STAT6: variants seen among roughly 807,000 people sequenced by gnomAD.
STAT6 encodes signal transducer and activator of transcription 6, also known as STAT, interleukin4-induced.
STAT6 carries 45 observed loss-of-function variants against 106.3 expected under a neutral mutation model. The ratio of observed to expected loss-of-function variants is 0.42; its 90% confidence interval spans 0.33 to 0.54. STAT6 has a LOEUF of 0.54. STAT6 is among the 20% of genes least tolerant of loss of function. STAT6 has a pLI of 0.06. For synonymous variants in STAT6, 413 were observed against 413.6 expected (o/e 1.00, Z 0.02); for missense variants, 797 against 1,062.2 (o/e 0.75, Z 3.47).
At chr12:57,098,646 C>T (rs765469174) in intron 18 of STAT6, 49 bp from the exon 19 acceptor site, 2 of 1,591,074 alleles carry the variant, frequency 1.3e-6, no homozygotes, top group South Asian at 1.1e-5. Context: ...TCCTGGACAC[C>T]ACCACACCCT....
At chr12:57,108,769 G>A (rs886557194) in intron 1 of STAT6, among the ~76,000 whole-genome samples, 3 of 152,200 alleles carry the variant, frequency 2.0e-5, no homozygotes, top group Admixed American at 6.5e-5. Flanking sequence ...GTACGAAACC[G>A]AAGATGCCCT....
At chr12:57,106,056 G>A in intron 7 of STAT6, 135 bp downstream of exon 7, 1 of 1,450,952 alleles carries the variant, frequency 6.9e-7, no homozygotes, top group Non-Finnish European at 9.3e-7. Context: ...CAGCCCCGCT[G>A]GAACTGGCTT....
In STAT6 at chr12:57,096,382, A is replaced by G. The variant is rs1041546515; in HGVS notation, c.*190T>C. On this transcript the variant is annotated 3_prime_UTR_variant, in exon 22 of 22. Coordinates refer to ENST00000300134, the MANE Select transcript of STAT6 (RefSeq NM_003153.5). Reference sequence around the variant, plus strand: ...AAGGAGGTGGGCAGGGGAATGATAGAAAGGAAGGAGTGGATTGGCTCCACC... The same window carrying G: ...AAGGAGGTGGGCAGGGGAATGATAGGAAGGAAGGAGTGGATTGGCTCCACC... 11 of 612,036 alleles carry G rather than the reference A, an allele frequency of 1.8e-5. No homozygotes were observed. The highest frequency in any genetic ancestry group is 3.7e-5 in the African/African-American group (2 of 53,448). The allele number at this position is 612,036 out of a possible 1,614,324, so 37.9% of individuals were successfully genotyped here.
intron 10 of STAT6, 48 bp downstream of exon 10, chr12:57,104,678 C>T (rs780425319): frequency 6.2e-7 from 1 of 1,613,726 alleles, no homozygotes; most frequent in South Asian, 1.1e-5. Flanking sequence ...AGGAGAGTCC[C>T]ACAGTCTCCT....
chr12:57,105,445 G>C lies in STAT6; in HGVS notation c.812+23C>G, dbSNP rs755850751. The C allele has an allele frequency of 5.6e-6, 9 of 1,613,692 alleles. No homozygotes were observed. The East Asian group carries it at 1.6e-4, about 28-fold the overall frequency. ...TCTTCCCGAGGTCTGTTCTAGGCCA[G>C]ACTGGGAGCTCCCGGGGAATACCTG... On this transcript the variant is annotated intron_variant, in intron 8 of 21. Transcript: ENST00000300134.
chr12:57,105,430 G>A, intron 8 of STAT6, 38 bp downstream of exon 8: 1 of 1,611,506 alleles, frequency 6.2e-7, no homozygotes, highest in Non-Finnish European at 8.5e-7. Context: ...TCTTCCCGAG[G>A]TCTGTTCTAG....
At position 57,096,941 on chromosome 12, in the gene STAT6, A is replaced by C. The variant is rs1565678828; in HGVS notation, c.2263T>G (p.Ser755Ala). 1.2e-6 allele frequency: 2 copies of C among 1,614,150 alleles called. No individual in the cohort carries two copies. The highest frequency in any genetic ancestry group is 1.7e-6 in the Non-Finnish European group (2 of 1,180,008). Reference sequence around the variant, plus strand: ...GAGCAGAGCAGGGGGTCAGGGCTGGACACAGCATGCTCCTGAGGCTGGCAC... The same window carrying C: ...GAGCAGAGCAGGGGGTCAGGGCTGGCCACAGCATGCTCCTGAGGCTGGCAC... The part of the protein sequence containing the change: ...LPCQPQEHAV[S>A]SPDPLLCSDV... The change falls in exon 21 of 22, where the codon TCC becomes GCC. Residue 755 changes from serine to alanine, a missense_variant. By Grantham distance (99) the Ser-to-Ala change is moderately conservative. Coordinates refer to ENST00000300134, the MANE Select transcript of STAT6 (RefSeq NM_003153.5).
At chr12:57,102,119 C>A (rs1461332995) in intron 13 of STAT6, among the ~76,000 whole-genome samples, 171 bp downstream of exon 13, 1 of 152,116 alleles carries the variant, frequency 6.6e-6, no homozygotes, top group South Asian at 2.1e-4. Flanking sequence ...CCAGAGCCAA[C>A]CCCCAGGCCT....
chr12:57,100,680 G>GA (rs1175094167), intron 13 of STAT6, among the ~76,000 whole-genome samples: 1 of 56,516 alleles, frequency 1.8e-5, no homozygotes, highest in Non-Finnish European at 3.6e-5. Context: ...AAGAAAGAAA[G>GA]AAAGAAAGAA....
chr12:57,106,424 T>A, intron 6 of STAT6, 85 bp from the exon 7 acceptor site: 2 of 1,607,786 alleles, frequency 1.2e-6, no homozygotes, highest in African/African-American at 1.3e-5. Flanking sequence ...CTCACTCCTC[T>A]GGCATTCCCT....
At chr12:57,100,726 G>GAAAGAA in intron 13 of STAT6, 1 of 134,592 alleles carries the variant, frequency 7.4e-6, no homozygotes, top group Admixed American at 9.3e-5. Flanking sequence ...AAGAAAGAAA[G>GAAAGAA]AAAGAAAGAA....
At position 57,105,496 on chromosome 12, in the gene STAT6, C is replaced by G. The variant is rs1458569041; in HGVS notation, c.784G>C (p.Asp262His). The stretch of plus-strand genomic sequence containing the variant: ...GTGACGAGGGTTCTCAGGACTTCAT[C>G]CAGCCGGCCAGTCAGCGATGCCCGG... Reference protein sequence around the residue: ...KTRASLTGRLDEVLRTLVTSC... With the variant: ...KTRASLTGRLHEVLRTLVTSC... Residue 262 changes from aspartate (D) to histidine (H), a missense_variant, in exon 8 of 22, where the codon GAT becomes CAT. Asp to His is a moderately conservative substitution (Grantham distance 81). Coordinates refer to ENST00000300134, the MANE Select transcript of STAT6 (RefSeq NM_003153.5). 1 of 1,614,098 alleles carries G rather than the reference C, an allele frequency of 6.2e-7. No homozygotes were observed. Among genetic ancestry groups the G allele is most frequent in the African/African-American group, 1.3e-5 (1 of 75,024 alleles).
At chr12:57,098,119 C>T (rs963344362) in intron 19 of STAT6, among the ~76,000 whole-genome samples, 2 of 152,138 alleles carry the variant, frequency 1.3e-5, no homozygotes, top group Non-Finnish European at 2.9e-5. Context: ...ACAGAAAATG[C>T]TCCTTCATTA....
intron 4 of STAT6, 25 bp from the exon 5 acceptor site, chr12:57,106,856 G>C: frequency 6.2e-7 from 1 of 1,612,320 alleles, no homozygotes; most frequent in Non-Finnish European, 8.5e-7. Context: ...CAGATGCCAA[G>C]AAGTGAAACA....
At chr12:57,103,906 A>G (rs1051130800) in intron 11 of STAT6, 7 of 153,268 alleles carry the variant, frequency 4.6e-5, no homozygotes, top group African/African-American at 1.7e-4. Flanking sequence ...TCCTCAGGGG[A>G]CTGGCTCTGA....
At position 57,098,802 on chromosome 12, in the gene STAT6, G is replaced by T; in HGVS notation, c.2056C>A (p.Pro686Thr). 1 of 1,613,768 alleles carries T rather than the reference G, an allele frequency of 6.2e-7. No homozygotes were observed. The highest frequency in any genetic ancestry group is 8.5e-7 in the Non-Finnish European group (1 of 1,179,846). The change falls in exon 18 of 22, where the codon CCA becomes ACA. Residue 686 changes from proline (P) to threonine (T), a missense_variant. Physicochemically the swap from Pro to Thr is conservative, Grantham distance 38 (BLOSUM62 -1). Transcript: ENST00000300134. The stretch of plus-strand genomic sequence containing the variant: ...TTTCCAGCTCCTTACACCATATCTG[G>T]GCCAAGCTGCATGCTCATGGAGGAA... ...PDSSMSMQLGPDMVPQVYPPH... is the reference protein window; with the variant it reads ...PDSSMSMQLGTDMVPQVYPPH...
intron 13 of STAT6, 103 bp from the exon 14 acceptor site, chr12:57,100,193 G>T (rs946776440): frequency 3.0e-6 from 3 of 993,522 alleles, no homozygotes; most frequent in Admixed American, 2.0e-5. Context: ...GAATCACAGG[G>T]CTGAGGATCA....
At chr12:57,103,592 T>A (rs761405267) in intron 11 of STAT6, 1 of 148,402 alleles carries the variant, frequency 6.7e-6, no homozygotes, top group Non-Finnish European at 1.5e-5. Context: ...TTTTGAGACA[T>A]AGTCTTGCTC....
intron 13 of STAT6, among the ~76,000 whole-genome samples, chr12:57,100,645 AAAG>A (rs2033777450): frequency 1.3e-5 from 1 of 77,288 alleles, no homozygotes; most frequent in Non-Finnish European, 2.6e-5. Context: ...AAAGAGAAAG[AAAG>A]AAAGAAAGAA....
Sources: gnomAD v4.1 joint callset for allele counts (sites outside exome capture counted in the v4.1 genomes callset) on GRCh38, gnomAD v4.1.1 for gene constraint, MANE v1.5 for transcripts, NCBI Gene and HGNC (gene_info 2026-07-23, HGNC 2026-07-21) for gene names.